GLRX2: variants seen among roughly 807,000 people sequenced by gnomAD.
GLRX2 encodes bA101E13.1 (GRX2 glutaredoxin (thioltransferase) 2).
A neutral mutation model predicts 16.4 loss-of-function variants in GLRX2; 12 were observed. The observed-to-expected ratio is 0.73, with a 90% confidence interval of 0.47 to 1.19. The LOEUF (loss-of-function observed/expected upper bound fraction) is 1.19, where lower values mean the gene tolerates loss of function less well. Ranked by LOEUF, GLRX2 falls within the 50% of genes most tolerant of loss-of-function variation. The pLI is 0.00. For missense variants in GLRX2, 201 were observed against 201.8 expected (o/e 1.00, Z 0.02); for synonymous variants, 95 against 76.2 (o/e 1.25, Z -1.28).
At chr1:193,105,754 A>G, upstream of GLRX2, 1 of 1,397,528 alleles carries the variant, frequency 7.2e-7, no homozygotes, top group Non-Finnish European at 9.3e-7. Flanking sequence ...AGGAGAAAAA[A>G]CATGACCATC....
rs759654410 is a variant in GLRX2 at position 193,105,315 on chromosome 1, C to T, written c.68G>A (p.Trp23Ter). Residue 23 changes from tryptophan (W) to a stop codon, truncating the protein, a stop_gained, in exon 1 of 4, where the codon TGG (tryptophan) becomes TAG (stop). Coordinates refer to ENST00000367439, the MANE Select transcript of GLRX2 (RefSeq NM_197962.3). LOFTEE classifies it high-confidence loss of function. ...CGCAGCTCCCGCCGCCCTGTCAAGCCAGCCTGCCGAGCCGCTCCTGCTCCA... is the reference window on the plus strand; with the variant it reads ...CGCAGCTCCCGCCGCCCTGTCAAGCTAGCCTGCCGAGCCGCTCCTGCTCCA... ...LVWSRSGSAG[W>*]LDRAAGAAGA... 7 of 1,535,476 alleles carry T rather than the reference C, an allele frequency of 4.6e-6. No individual in the cohort carries two copies. In the South Asian group the frequency reaches 8.3e-5, roughly 18 times the overall value.
intron 2 of GLRX2, among the ~76,000 whole-genome samples, chr1:193,100,053 C>T (rs1255895461): frequency 1.3e-5 from 2 of 151,608 alleles, no homozygotes; most frequent in Non-Finnish European, 2.9e-5. Context: ...ATATATTAGA[C>T]ACTGATGAAG....
intron 2 of GLRX2, among the ~76,000 whole-genome samples, chr1:193,098,723 T>A (rs757684586): frequency 2.0e-5 from 3 of 152,050 alleles, no homozygotes; most frequent in Non-Finnish European, 4.4e-5. Flanking sequence ...AGTTAATTTT[T>A]GTTTTTTAGT....
intron 3 of GLRX2, among the ~76,000 whole-genome samples, 159 bp downstream of exon 3, chr1:193,097,425 T>C (rs774977895): frequency 6.6e-6 from 1 of 152,222 alleles, no homozygotes; most frequent in African/African-American, 2.4e-5. Context: ...AAATCAACTC[T>C]GCTGTTTCCT....
At chr1:193,102,997 T>G (rs1309167228) in intron 1 of GLRX2, among the ~76,000 whole-genome samples, 1 of 152,118 alleles carries the variant, frequency 6.6e-6, no homozygotes, top group Non-Finnish European at 1.5e-5. Context: ...ATGCTTGTGT[T>G]CAAGTAACCC....
chr1:193,098,252 C>A (rs1033781088), intron 2 of GLRX2, among the ~76,000 whole-genome samples: 13 of 152,092 alleles, frequency 8.5e-5, no homozygotes, highest in African/African-American at 2.9e-4. Context: ...CATTATACTC[C>A]TTTTTCAGCC....
At chr1:193,102,008 C>T (rs998146496) in intron 1 of GLRX2, among the ~76,000 whole-genome samples, 2 of 152,060 alleles carry the variant, frequency 1.3e-5, no homozygotes, top group Non-Finnish European at 2.9e-5. Context: ...CAGGCCCTAC[C>T]GCACTGTTGG....
chr1:193,104,996 G>A (rs1358677988), intron 1 of GLRX2, among the ~76,000 whole-genome samples: 2 of 152,214 alleles, frequency 1.3e-5, no homozygotes, highest in Non-Finnish European at 2.9e-5. Context: ...ATTTTATGTA[G>A]CAATTCACAG....
chr1:193,099,103 G>A (rs890012564), intron 2 of GLRX2, among the ~76,000 whole-genome samples: 1 of 152,138 alleles, frequency 6.6e-6, no homozygotes, highest in Non-Finnish European at 1.5e-5. Context: ...ATGAGTTTGA[G>A]GTAGAAGTTG....
At chr1:193,102,212 TTCAAA>T (rs1675091381) in intron 1 of GLRX2, among the ~76,000 whole-genome samples, 1 of 152,214 alleles carries the variant, frequency 6.6e-6, no homozygotes, top group Non-Finnish European at 1.5e-5. Context: ...ATATTCTGCC[TTCAAA>T]TCAATACTGT....
At chr1:193,099,995 C>T (rs1336068882) in intron 2 of GLRX2, among the ~76,000 whole-genome samples, 2 of 152,174 alleles carry the variant, frequency 1.3e-5, no homozygotes, top group African/African-American at 2.4e-5. Context: ...GGTTACAAGA[C>T]ACACTAACAC....
In GLRX2 at chr1:193,101,218, A is replaced by C; in HGVS notation, c.120-14T>G. 6.5e-7 allele frequency: 1 copy of C among 1,536,440 alleles called. No homozygotes were observed. The highest frequency in any genetic ancestry group is 9.0e-7 in the Non-Finnish European group (1 of 1,109,318). ...TTGCTCTCCATCCTAAAAGGAATTT[A>C]AGAGAACAATGTAGTTTATTAAGCA... On this transcript the variant is annotated splice_polypyrimidine_tract_variant and intron_variant, in intron 1 of 3. Transcript: ENST00000367439.
Position 193,105,257 on chromosome 1 carries a change from C to A in GLRX2, c.119+7G>T, listed in dbSNP as rs769551477. The A allele has an allele frequency of 1.3e-6, 2 of 1,537,070 alleles. No individual in the cohort carries two copies. The highest frequency in any genetic ancestry group is 2.4e-5 in the South Asian group (2 of 84,086). On this transcript the variant is annotated splice_region_variant and intron_variant, in intron 1 of 3. Transcript: ENST00000367439. ...CGCCGCGGCACTCCTGCCCGCTGAC[C>A]CCGTACCCAGAGGCCGCAGCTGCCG...
intron 1 of GLRX2, among the ~76,000 whole-genome samples, 174 bp from the exon 2 acceptor site, chr1:193,101,378 A>G (rs922413760): frequency 6.6e-6 from 1 of 152,206 alleles, no homozygotes; most frequent in Non-Finnish European, 1.5e-5. Flanking sequence ...TTGTTTCACT[A>G]AAACCAAAAA....
At chr1:193,099,595 G>T (rs563604562) in intron 2 of GLRX2, among the ~76,000 whole-genome samples, 8 of 152,258 alleles carry the variant, frequency 5.3e-5, no homozygotes, top group African/African-American at 1.9e-4. Context: ...GCCTTCCAAA[G>T]TGCTGGGATT....
At chr1:193,102,399 T>A (rs1675097748) in intron 1 of GLRX2, among the ~76,000 whole-genome samples, 1 of 152,196 alleles carries the variant, frequency 6.6e-6, no homozygotes, top group Non-Finnish European at 1.5e-5. Context: ...TCACCGAGCC[T>A]GGAGTGCAGT....
upstream of GLRX2, chr1:193,105,506 C>T (rs1216096111): frequency 1.3e-6 from 2 of 1,525,520 alleles, no homozygotes; most frequent in East Asian, 2.6e-5. Context: ...GCCCGCGCCG[C>T]CGCCGGTCAC....
At chr1:193,103,113 C>T (rs1045393785) in intron 1 of GLRX2, among the ~76,000 whole-genome samples, 3 of 151,834 alleles carry the variant, frequency 2.0e-5, no homozygotes, top group African/African-American at 7.3e-5. Context: ...AATTCAGGTA[C>T]GTCAAAGAGA....
chr1:193,105,162 A>C (rs1572130837), intron 1 of GLRX2, 102 bp downstream of exon 1: 1 of 1,412,798 alleles, frequency 7.1e-7, no homozygotes. Flanking sequence ...CGCCTCGCCC[A>C]CCCGGCGCCG....
Sources: allele counts gnomAD v4.1 joint callset (sites outside exome capture counted in the v4.1 genomes callset), GRCh38; gene constraint gnomAD v4.1.1; transcripts MANE v1.5; gene names NCBI Gene and HGNC (gene_info 2026-07-23, HGNC 2026-07-21).